Variants in ABCC9 observed in about 807,000 individuals in gnomAD.
ABCC9 encodes ATP binding cassette subfamily C member 9, also known as ATP-binding cassette sub-family C member 9.
ABCC9 carries 95 observed loss-of-function variants against 188.3 expected under a neutral mutation model. The observed-to-expected ratio is 0.50, with a 90% CI of 0.43 to 0.60. The LOEUF (loss-of-function observed/expected upper bound fraction) is 0.60. Ranked by LOEUF, ABCC9 falls within the 20% of genes least tolerant of loss-of-function variation. ABCC9 has a pLI of 0.00. For synonymous variants in ABCC9, 659 were observed against 652.7 expected, an observed-to-expected ratio of 1.01 and a Z score of -0.15; for missense variants, 1,102 against 1,876.3, an observed-to-expected ratio of 0.59 and a Z score of 7.62.
At chr12:21,810,218 T>C (rs1190936412) in intron 36 of ABCC9, among the ~76,000 whole-genome samples, 1 of 152,186 alleles carries the variant, frequency 6.6e-6, no homozygotes, top group Non-Finnish European at 1.5e-5. Flanking sequence ...ATCAAGTTTG[T>C]TACCTAGCTC....
At chr12:21,914,225 C>T (rs1948441046) in intron 7 of ABCC9, among the ~76,000 whole-genome samples, 1 of 152,116 alleles carries the variant, frequency 6.6e-6, no homozygotes, top group South Asian at 2.1e-4. Flanking sequence ...TATTTCCTTC[C>T]AGTGTTGTTG....
intron 11 of ABCC9, among the ~76,000 whole-genome samples, chr12:21,907,294 G>A (rs1448433885): frequency 1.3e-5 from 2 of 151,932 alleles, no homozygotes; most frequent in Non-Finnish European, 2.9e-5. Context: ...CCTACCTAAA[G>A]GAGCAGAAAA....
In ABCC9 at chr12:21,807,476, G is replaced by A. The variant is rs767586816; in HGVS notation, c.4319C>T (p.Ala1440Val). ...MVKSLPGGLD[A>V]VVTEGGENFS... ...ATTCTCCCCACCTTCAGTGACAACCGCATCTAAATCAGAGAAAGAAGCAAG... is the reference window on the plus strand; with the variant it reads ...ATTCTCCCCACCTTCAGTGACAACCACATCTAAATCAGAGAAAGAAGCAAG... The change falls in exon 38 of 40, where the codon GCG (alanine) becomes GTG (valine). Residue 1440 changes from alanine (A) to valine (V), a missense_variant. Coordinates refer to ENST00000261200, the MANE Select transcript of ABCC9 (RefSeq NM_020297.4). The A allele has an allele frequency of 5.6e-6, 9 of 1,613,514 alleles. No homozygotes were observed. Among genetic ancestry groups the A allele is most frequent in the Admixed American group, 3.3e-5 (2 of 59,948 alleles).
intron 30 of ABCC9, among the ~76,000 whole-genome samples, chr12:21,835,567 C>T (rs1414830341): frequency 6.6e-6 from 1 of 152,150 alleles, no homozygotes; most frequent in Non-Finnish European, 1.5e-5. Context: ...AGTCATATAA[C>T]CTATCTTCCT....
intron 30 of ABCC9, among the ~76,000 whole-genome samples, chr12:21,829,368 A>AT (rs768417989): frequency 3.3e-5 from 5 of 151,598 alleles, no homozygotes; most frequent in Non-Finnish European, 5.9e-5. Context: ...TGCCCGGCTA[A>AT]TTTTTTGTAT....
chr12:21,824,756 T>C (rs925579121), intron 31 of ABCC9, among the ~76,000 whole-genome samples: 1 of 152,236 alleles, frequency 6.6e-6, no homozygotes, highest in Non-Finnish European at 1.5e-5. Context: ...TCATTTCTTC[T>C]AGATTTTCTA....
intron 28 of ABCC9, among the ~76,000 whole-genome samples, chr12:21,844,175 G>A (rs772623630): frequency 9.9e-5 from 15 of 152,114 alleles, no homozygotes; most frequent in Non-Finnish European, 2.1e-4. Context: ...TTTATACTGT[G>A]AATGCTGATA....
chr12:21,852,699 C>T (rs995896829), intron 22 of ABCC9, among the ~76,000 whole-genome samples, 194 bp from the exon 23 acceptor site: 3 of 151,812 alleles, frequency 2.0e-5, no homozygotes, highest in Admixed American at 2.0e-4. Context: ...ATCTGTACAC[C>T]AAACCCCCAT....
intron 7 of ABCC9, among the ~76,000 whole-genome samples, chr12:21,914,451 G>A (rs1948450675): frequency 1.3e-5 from 2 of 152,134 alleles, no homozygotes; most frequent in Non-Finnish European, 2.9e-5. Flanking sequence ...GATGATACAT[G>A]GAAGAGGAAG....
At chr12:21,861,855 C>T (rs1254141441) in intron 20 of ABCC9, among the ~76,000 whole-genome samples, 1 of 152,044 alleles carries the variant, frequency 6.6e-6, no homozygotes, top group Non-Finnish European at 1.5e-5. Flanking sequence ...GGCGCCCTTC[C>T]ACACTGTCAT....
At chr12:21,906,798 G>A (rs548392757) in intron 11 of ABCC9, among the ~76,000 whole-genome samples, 1 of 152,152 alleles carries the variant, frequency 6.6e-6, no homozygotes, top group African/African-American at 2.4e-5. Flanking sequence ...CACAGTTATT[G>A]AAACTAAGCC....
At chr12:21,935,208 A>G (rs1949438618) in intron 3 of ABCC9, among the ~76,000 whole-genome samples, 1 of 152,144 alleles carries the variant, frequency 6.6e-6, no homozygotes, top group Non-Finnish European at 1.5e-5. Context: ...ATAACTGGGG[A>G]ATTATTAATT....
intron 30 of ABCC9, among the ~76,000 whole-genome samples, chr12:21,833,020 G>A (rs1376305080): frequency 6.6e-6 from 1 of 152,182 alleles, no homozygotes; most frequent in Non-Finnish European, 1.5e-5. Flanking sequence ...AGTAACTCAA[G>A]AATAGAAAAC....
chr12:21,893,900 C>A, intron 14 of ABCC9, 132 bp downstream of exon 14: 1 of 950,824 alleles, frequency 1.1e-6, no homozygotes. Flanking sequence ...AAGTAGCATA[C>A]CACAATTTTA....
At chr12:21,896,953 G>T (rs1482079711) in intron 12 of ABCC9, among the ~76,000 whole-genome samples, 29 of 152,132 alleles carry the variant, frequency 1.9e-4, no homozygotes, top group Admixed American at 1.9e-3. Context: ...AGATTGATGG[G>T]TCAAATGGTA....
At chr12:21,913,281 TAGAG>T (rs571525628) in intron 7 of ABCC9, among the ~76,000 whole-genome samples, 68 of 152,248 alleles carry the variant, frequency 4.5e-4, no homozygotes, top group African/African-American at 1.4e-3. Flanking sequence ...TTTAATAAAA[TAGAG>T]AGAATGAGAA....
At chr12:21,883,008 C>A in intron 15 of ABCC9, 135 bp from the exon 16 acceptor site, 2 of 700,548 alleles carry the variant, frequency 2.9e-6, no homozygotes, top group Admixed American at 2.6e-5. Context: ...TTCAGTGACT[C>A]CTTCATAAAA....
At chr12:21,875,848 A>AC in intron 16 of ABCC9, 122 bp from the exon 17 acceptor site, 1 of 701,496 alleles carries the variant, frequency 1.4e-6, no homozygotes, top group South Asian at 1.7e-5. Context: ...ACTTTGGGAG[A>AC]CCAAGGCAGG....
Position 21,910,289 on chromosome 12 carries a change from A to C in ABCC9, c.1188T>G (p.Leu396=). 6.2e-7 allele frequency: 1 copy of C among 1,605,266 alleles called. No homozygotes were observed. Among genetic ancestry groups the C allele is most frequent in the Non-Finnish European group, 8.5e-7 (1 of 1,176,910 alleles). The part of the protein sequence containing the change: ...ALLAMIYNKI[L]RLSTSNLSMG... ...TGGATAAGTTAGACGTAGAGAGCCT[A>C]AGGATTTTATTATAAATCATGGCCT... Residue 396 remains leucine, a synonymous_variant, in exon 10 of 40, where the codon CTT becomes CTG. Transcript: ENST00000261200.
Sources: gnomAD v4.1 joint callset for allele counts (sites outside exome capture counted in the v4.1 genomes callset) on GRCh38, gnomAD v4.1.1 for gene constraint, MANE v1.5 for transcripts, NCBI Gene and HGNC (gene_info 2026-07-23, HGNC 2026-07-21) for gene names.